SLC25A30: variants seen among roughly 807,000 people sequenced by gnomAD.
SLC25A30 encodes kidney mitochondrial carrier protein 1.
In SLC25A30, 29 loss-of-function variants were observed where a neutral mutation model predicts 42.7. The observed-to-expected ratio is 0.68, with a 90% CI of 0.51 to 0.93. The LOEUF is 0.93. SLC25A30 is among the 40% of genes least tolerant of loss of function. The pLI, the probability that SLC25A30 is intolerant of heterozygous loss-of-function variation, is 0.00. For missense variants in SLC25A30, 300 were observed against 359.7 expected (o/e 0.83, Z 1.34); for synonymous variants, 124 against 131.0 (o/e 0.95, Z 0.37).
At chr13:45,398,388 T>A (rs1193135449) in intron 8 of SLC25A30, 1 of 151,998 alleles carries the variant, frequency 6.6e-6, no homozygotes, top group Non-Finnish European at 1.5e-5. Flanking sequence ...AAGCCCAATC[T>A]CCACCACTAC....
the SLC25A30 span, among the ~76,000 whole-genome samples, chr13:45,425,922 A>C: frequency 6.8e-6 from 1 of 147,370 alleles, no homozygotes; most frequent in Non-Finnish European, 1.5e-5. Context: ...TGAACTCCTG[A>C]CCTCGAGTGA....
intron 2 of SLC25A30, among the ~76,000 whole-genome samples, chr13:45,410,863 C>G (rs140261039): frequency 6.6e-6 from 1 of 152,332 alleles, no homozygotes; most frequent in African/African-American, 2.4e-5. Flanking sequence ...TCAACTTTCT[C>G]TCCACTAAAC....
At chr13:45,416,137 G>C (rs1463498543) in intron 1 of SLC25A30, among the ~76,000 whole-genome samples, 3 of 151,796 alleles carry the variant, frequency 2.0e-5, no homozygotes, top group Admixed American at 2.0e-4. Context: ...GCCGGGCACG[G>C]TGGCTCATGC....
the SLC25A30 span, among the ~76,000 whole-genome samples, chr13:45,430,857 C>G: frequency 6.6e-6 from 1 of 151,936 alleles, no homozygotes; most frequent in South Asian, 2.1e-4. Flanking sequence ...AAGAAATATG[C>G]CTTAATGTTT....
chr13:45,410,933 C>A (rs981114534), intron 2 of SLC25A30, among the ~76,000 whole-genome samples: 2 of 152,134 alleles, frequency 1.3e-5, no homozygotes, highest in African/African-American at 4.8e-5. Flanking sequence ...AAAGCATTAC[C>A]AAAAGAAAAC....
At chr13:45,412,897 A>T (rs1200842890) in intron 1 of SLC25A30, among the ~76,000 whole-genome samples, 1 of 152,196 alleles carries the variant, frequency 6.6e-6, no homozygotes, top group East Asian at 1.9e-4. Flanking sequence ...TATACTATCA[A>T]CTATAGCTAC....
chr13:45,413,959 T>C (rs1022212727), intron 1 of SLC25A30, among the ~76,000 whole-genome samples: 2 of 152,216 alleles, frequency 1.3e-5, no homozygotes, highest in African/African-American at 2.4e-5. Flanking sequence ...TTAATACTAA[T>C]ATGCAAATAC....
chr13:45,419,005 C>T (rs1284670577), upstream of SLC25A30, among the ~76,000 whole-genome samples: 1 of 115,056 alleles, frequency 8.7e-6, no homozygotes, highest in Non-Finnish European at 1.7e-5. Flanking sequence ...GTGGCGGGTG[C>T]CTGTAATCCC....
chr13:45,428,007 T>G, the SLC25A30 span, among the ~76,000 whole-genome samples: 4 of 151,534 alleles, frequency 2.6e-5, no homozygotes, highest in Non-Finnish European at 5.9e-5. Flanking sequence ...CCTCCCAAAG[T>G]GCTGGGATTA....
At position 45,395,529 on chromosome 13, in the gene SLC25A30, A is replaced by C; in HGVS notation, c.*445T>G. 9.5e-7 allele frequency: 1 copy of C among 1,051,850 alleles called. No individual in the cohort carries two copies. The highest frequency in any genetic ancestry group is 1.2e-6 in the Non-Finnish European group (1 of 869,006). The allele number at this position is 1,051,850 out of a possible 1,614,324, so 65.2% of individuals were successfully genotyped here. On this transcript the variant is annotated 3_prime_UTR_variant, in exon 10 of 10. Transcript: ENST00000519676. ...AAATTTCTTCAGTTGACAAGGAGCA[A>C]AATCTCCCAGAAATTCAGAAACCAT...
the SLC25A30 span, among the ~76,000 whole-genome samples, chr13:45,425,073 T>TATATAAATATATATGTATATATAC: frequency 3.1e-4 from 2 of 6,410 alleles, no homozygotes; most frequent in African/African-American, 1.1e-3. Flanking sequence ...TATATATACA[T>TATATAAATATATATGTATATATAC]ATATATAAAT....
upstream of SLC25A30, among the ~76,000 whole-genome samples, chr13:45,419,077 G>A (rs1198251689): frequency 1.1e-4 from 14 of 129,600 alleles, no homozygotes; most frequent in Admixed American, 1.1e-3. Flanking sequence ...GTTGCAGTGA[G>A]CCAAGATCGC....
At position 45,400,049 on chromosome 13, in the gene SLC25A30, C is replaced by T. The variant is rs1319712122; in HGVS notation, c.615-971G>A. Among the ~76,000 whole-genome samples, 202 of 103,634 alleles carry T rather than the reference C, an allele frequency of 1.9e-3. No homozygotes were observed. The South Asian group carries it at 0.02, about 10-fold the overall frequency. 68.0% of individuals were successfully genotyped at this position (103,634 alleles called of 152,430 possible). On this transcript the variant is annotated intron_variant, in intron 7 of 9. Transcript: ENST00000519676. ...ATATATATATACACACACACACACA[C>T]ACACACACACACACACATATGAATG...
rs1882109278 is a variant in SLC25A30 at position 45,402,635 on chromosome 13, G to A, written c.394-265C>T. 13 of 410,626 alleles carry A rather than the reference G, an allele frequency of 3.2e-5. No individual in the cohort carries two copies. The South Asian group carries it at 9.1e-4, about 29-fold the overall frequency. 25.4% of individuals were successfully genotyped at this position (410,626 alleles called of 1,614,324 possible). On this transcript the variant is annotated intron_variant, in intron 5 of 9. Transcript: ENST00000519676. ...AGCAGTTCATTAAATGTCAAAAGGA[G>A]AAACTGATTTTTGTGAAAAAAGTCT...
At chr13:45,405,751 C>A in intron 4 of SLC25A30, 132 bp downstream of exon 4, 1 of 741,484 alleles carries the variant, frequency 1.3e-6, no homozygotes, top group Non-Finnish European at 2.2e-6. Flanking sequence ...TTAACTAAGA[C>A]TTTACACCCA....
the SLC25A30 span, among the ~76,000 whole-genome samples, chr13:45,430,910 A>G: frequency 4.6e-5 from 7 of 152,050 alleles, no homozygotes; most frequent in African/African-American, 1.4e-4. Flanking sequence ...CATTCTCTCT[A>G]TGAATCTCTA....
intron 8 of SLC25A30, chr13:45,398,448 A>G (rs1445719671): frequency 6.6e-6 from 1 of 151,546 alleles, no homozygotes; most frequent in African/African-American, 2.4e-5. Flanking sequence ...AATCTAAAAT[A>G]CATTAAAACT....
intron 5 of SLC25A30, chr13:45,402,690 A>G: frequency 1.3e-6 from 1 of 793,292 alleles, no homozygotes; most frequent in Non-Finnish European, 1.5e-6. Context: ...ATACTTCCCT[A>G]CTACTATATA....
chr13:45,400,027 T>C (rs1284852741), intron 7 of SLC25A30, among the ~76,000 whole-genome samples: 5 of 124,350 alleles, frequency 4.0e-5, no homozygotes, highest in Non-Finnish European at 5.0e-5. Context: ...TATATATATA[T>C]ATATATACAC....
Sources: gnomAD v4.1 joint callset for allele counts (sites outside exome capture counted in the v4.1 genomes callset) on GRCh38, gnomAD v4.1.1 for gene constraint, MANE v1.5 for transcripts, NCBI Gene and HGNC (gene_info 2026-07-23, HGNC 2026-07-21) for gene names.